GPLD1: variants seen among roughly 807,000 people sequenced by gnomAD.
GPLD1 encodes the protein phosphatidylinositol-glycan-specific phospholipase D.
A neutral mutation model predicts 112.6 loss-of-function variants in GPLD1; 84 were observed. That is an observed-to-expected ratio of 0.75 (90% confidence interval 0.63 to 0.89). The LOEUF (loss-of-function observed/expected upper bound fraction) is 0.89. GPLD1 is among the 40% of genes least tolerant of loss of function. The probability of loss-of-function intolerance (pLI) is 0.00; values close to 1 mark genes in which losing one functional copy is unlikely to be tolerated. For missense variants in GPLD1, 1,044 were observed against 1,051.5 expected (o/e 0.99, Z 0.10); for synonymous variants, 386 against 403.8 (o/e 0.96, Z 0.53).
chr6:24,454,438 G>C (rs1011949141), intron 13 of GPLD1, among the ~76,000 whole-genome samples: 3 of 151,956 alleles, frequency 2.0e-5, no homozygotes, highest in African/African-American at 7.2e-5. Context: ...AGCATTTCTG[G>C]ACTACATAAC....
rs1762250053 is a variant in GPLD1, at chr6:24,426,703, G to A, written c.*2329C>T. Among the ~76,000 whole-genome samples the A allele has an allele frequency of 4.4e-5, 1 of 22,888 alleles. No homozygotes were observed. Among genetic ancestry groups the A allele is most frequent in the Non-Finnish European group, 2.0e-4 (1 of 4,902 alleles). 15.0% of individuals were successfully genotyped at this position (22,888 alleles called of 152,430 possible). A position where few individuals can be genotyped will look rare whatever the true frequency, so the allele number is the denominator to read the frequency against. ...CCCTTTACTCAAGTGTCAGATGTCAGAGTGCTCTAACTGCTCAACTCATAA... is the reference window on the plus strand; with the variant it reads ...CCCTTTACTCAAGTGTCAGATGTCAAAGTGCTCTAACTGCTCAACTCATAA... On this transcript the variant is annotated 3_prime_UTR_variant, in exon 25 of 25. Coordinates refer to ENST00000230036, the MANE Select transcript of GPLD1 (RefSeq NM_001503.4).
At chr6:24,472,773 G>T in intron 6 of GPLD1, 137 bp from the exon 7 acceptor site, 1 of 610,856 alleles carries the variant, frequency 1.6e-6, no homozygotes, top group Non-Finnish European at 2.9e-6. Context: ...TTTAGGTAAA[G>T]GCATGCCTTT....
chr6:24,494,152 T>G (rs1262640866), upstream of GPLD1, among the ~76,000 whole-genome samples: 1 of 152,230 alleles, frequency 6.6e-6, no homozygotes, highest in Admixed American at 6.5e-5. Flanking sequence ...AACTTTAATC[T>G]TACTAGTGGC....
chr6:24,479,807 T>C (rs564514766), intron 3 of GPLD1, 74 bp downstream of exon 3: 7 of 804,542 alleles, frequency 8.7e-6, no homozygotes, highest in Non-Finnish European at 1.3e-5. Flanking sequence ...CATATATATA[T>C]ATTTTTAAAG....
In GPLD1 at chr6:24,445,600, C is replaced by T. The variant is rs759706689; in HGVS notation, c.1966G>A (p.Val656Ile). 66 of 1,613,842 alleles carry T rather than the reference C, an allele frequency of 4.1e-5. No individual in the cohort carries two copies. The highest frequency in any genetic ancestry group is 5.3e-5 in the African/African-American group (4 of 74,892). Reference sequence around the variant, plus strand: ...TGTTTCAGAGTCCCATTCATCAGTACGTGGCCACTGGAAAGGGAAGTACCC... The same window carrying T: ...TGTTTCAGAGTCCCATTCATCAGTATGTGGCCACTGGAAAGGGAAGTACCC... ...KLGTSLSSGH[V>I]LMNGTLKQVL... The change falls in exon 20 of 25, where the codon GTA becomes ATA. Residue 656 changes from valine to isoleucine, a missense_variant. Val to Ile is a conservative substitution (Grantham distance 29). Transcript: ENST00000230036.
intron 3 of GPLD1, 121 bp downstream of exon 3, chr6:24,479,760 G>A: frequency 1.8e-6 from 1 of 564,206 alleles, no homozygotes; most frequent in Admixed American, 2.9e-5. Flanking sequence ...AACAATAATG[G>A]AAAATATACT....
intron 20 of GPLD1, among the ~76,000 whole-genome samples, chr6:24,439,332 G>A (rs1384107589): frequency 2.0e-5 from 3 of 152,176 alleles, no homozygotes; most frequent in African/African-American, 7.2e-5. Flanking sequence ...CCTGAATAGG[G>A]CTGCCCATTG....
chr6:24,435,210 A>G (rs1263856661), intron 22 of GPLD1, among the ~76,000 whole-genome samples: 1 of 149,892 alleles, frequency 6.7e-6, no homozygotes. Context: ...ACAGGGTTTC[A>G]CAGTGTTAGC....
intron 21 of GPLD1, 55 bp downstream of exon 21, chr6:24,437,058 C>T: frequency 6.6e-7 from 1 of 1,507,716 alleles, no homozygotes. Flanking sequence ...TTAGGGGACC[C>T]ACCCCCTGGG....
chr6:24,469,163 C>T (rs1203512695), intron 7 of GPLD1, among the ~76,000 whole-genome samples: 1 of 151,906 alleles, frequency 6.6e-6, no homozygotes, highest in Non-Finnish European at 1.5e-5. Context: ...AATAGGAACA[C>T]TCTTACACTG....
upstream of GPLD1, among the ~76,000 whole-genome samples, chr6:24,493,448 C>T (rs896062682): frequency 2.0e-5 from 3 of 152,112 alleles, no homozygotes; most frequent in African/African-American, 7.2e-5. Context: ...TGCACTCCAC[C>T]CTGGGTGACA....
intron 20 of GPLD1, among the ~76,000 whole-genome samples, chr6:24,442,060 C>T (rs2753911): frequency 0.49 from 72,275 of 148,050 alleles, 18,437 homozygotes; most frequent in African/African-American, 0.62. Context: ...TATACTTATA[C>T]ACACTTTATA....
Position 24,476,222 on chromosome 6 carries a change from C to T in GPLD1, c.289G>A (p.Val97Ile), listed in dbSNP as rs777612304. The part of the protein sequence containing the change: ...THWTPFLNAS[V>I]HYIRENYPLP... ...GGATAGTTCTCTCGGATATAATGAACGCTTGCATTAAGAAACGGAGTCCAG... is the reference window on the plus strand; with the variant it reads ...GGATAGTTCTCTCGGATATAATGAATGCTTGCATTAAGAAACGGAGTCCAG... Residue 97 changes from valine to isoleucine, a missense_variant, in exon 4 of 25, where the codon GTT (valine) becomes ATT (isoleucine). By Grantham distance (29) the Val-to-Ile change is conservative (BLOSUM62 3). Coordinates refer to ENST00000230036, the MANE Select transcript of GPLD1 (RefSeq NM_001503.4). 1.4e-5 allele frequency: 22 copies of T among 1,576,226 alleles called. No individual in the cohort carries two copies. The highest frequency in any genetic ancestry group is 1.7e-4 in the Middle Eastern group (1 of 6,028).
intron 22 of GPLD1, 49 bp from the exon 23 acceptor site, chr6:24,433,438 G>A: frequency 7.3e-7 from 1 of 1,363,538 alleles, no homozygotes; most frequent in South Asian, 1.2e-5. Context: ...TGTTTGTGTG[G>A]CTTTTTAAAA....
Position 24,489,558 on chromosome 6 carries a change from G to T in GPLD1, c.-47C>A. ...CTCTGGTGACGTGGGAATGCTCAGA[G>T]CTGCAGCAGCACTGGGACTCCAAAA... On this transcript the variant is annotated 5_prime_UTR_variant, in exon 1 of 25. Transcript: ENST00000230036. 1 of 1,612,162 alleles carries T rather than the reference G, an allele frequency of 6.2e-7. No homozygotes were observed. Among genetic ancestry groups the T allele is most frequent in the African/African-American group, 1.3e-5 (1 of 74,942 alleles).
At chr6:24,442,726 G>A (rs918095364) in intron 20 of GPLD1, among the ~76,000 whole-genome samples, 3 of 150,564 alleles carry the variant, frequency 2.0e-5, no homozygotes, top group Non-Finnish European at 4.4e-5. Flanking sequence ...TTACAGGCAT[G>A]AGCCACTGCG....
chr6:24,450,005 C>T, intron 14 of GPLD1, 106 bp from the exon 15 acceptor site: 2 of 688,750 alleles, frequency 2.9e-6, no homozygotes, highest in Non-Finnish European at 5.0e-6. Flanking sequence ...CGCCCCCCGC[C>T]ACCCAAAAGC....
At chr6:24,493,665 A>G (rs1375119130), upstream of GPLD1, among the ~76,000 whole-genome samples, 1 of 152,204 alleles carries the variant, frequency 6.6e-6, no homozygotes, top group Non-Finnish European at 1.5e-5. Flanking sequence ...ATACAGAGCA[A>G]AATAGTGTGA....
intron 21 of GPLD1, 86 bp downstream of exon 21, chr6:24,437,027 G>A: frequency 8.3e-7 from 1 of 1,209,486 alleles, no homozygotes; most frequent in Non-Finnish European, 1.2e-6. Context: ...CAATTATAAG[G>A]GCAGAGCCCA....
Sources: gnomAD v4.1 joint callset for allele counts (sites outside exome capture counted in the v4.1 genomes callset) on GRCh38, gnomAD v4.1.1 for gene constraint, MANE v1.5 for transcripts, NCBI Gene and HGNC (gene_info 2026-07-23, HGNC 2026-07-21) for gene names.